The following CACNA1E variants were observed in gnomAD, a reference collection of about 807,000 sequenced individuals.
CACNA1E encodes voltage-dependent R-type calcium channel subunit alpha-1E.
In CACNA1E, 40 loss-of-function variants were observed where a neutral mutation model predicts 259.2. The observed-to-expected ratio is 0.15, with a 90% CI of 0.12 to 0.20. The LOEUF is 0.20. Among genes scored for constraint, CACNA1E ranks in the 10% least tolerant of loss-of-function variants. The probability of loss-of-function intolerance (pLI) is 1.00; values close to 1 mark genes in which losing one functional copy is unlikely to be tolerated. For missense variants in CACNA1E, 1,874 were observed against 3,040.1 expected (o/e 0.62, Z 9.02); for synonymous variants, 1,104 against 1,138.5 (o/e 0.97, Z 0.61).
chr1:181,772,321 G>T lies in CACNA1E; in HGVS notation c.5139+90G>T. The T allele has an allele frequency of 2.3e-6, 3 of 1,315,706 alleles. No homozygotes were observed. In the South Asian group the frequency reaches 4.0e-5, roughly 18 times the overall value. 81.5% of individuals were successfully genotyped at this position (1,315,706 alleles called of 1,614,324 possible). A position where few individuals can be genotyped will look rare whatever the true frequency, so the allele number is the denominator to read the frequency against. ...ACATAGACCGGAGATGTTTGCTTCA[G>T]TGTATGTTTGTGCCTCCCTCCCCTC... On this transcript the variant is annotated intron_variant, in intron 37 of 47. Transcript: ENST00000367573.
upstream of CACNA1E, among the ~76,000 whole-genome samples, chr1:181,482,853 C>T (rs1663405925): frequency 6.6e-6 from 1 of 152,270 alleles, no homozygotes; most frequent in African/African-American, 2.4e-5. Flanking sequence ...CTCGGCGGCG[C>T]AGCCGCGGAT....
chr1:181,435,623 C>G (rs1003485210), intron 2 of CACNA1E, among the ~76,000 whole-genome samples: 1 of 152,154 alleles, frequency 6.6e-6, no homozygotes, highest in Non-Finnish European at 1.5e-5. Flanking sequence ...TTGCCAGAAC[C>G]ATGGCCATTT....
intron 5 of CACNA1E, among the ~76,000 whole-genome samples, chr1:181,579,597 G>A (rs1219021123): frequency 6.6e-6 from 1 of 152,128 alleles, no homozygotes; most frequent in African/African-American, 2.4e-5. Context: ...AAGCCCAGGA[G>A]TTTGAGGCCA....
chr1:181,674,389 C>A, intron 7 of CACNA1E, among the ~76,000 whole-genome samples: 1 of 91,396 alleles, frequency 1.1e-5, no homozygotes, highest in Non-Finnish European at 2.0e-5. Context: ...AGCAAGACTC[C>A]ATCTCAAAAA....
chr1:181,473,927 T>C (rs1021436867), intron 2 of CACNA1E, among the ~76,000 whole-genome samples: 3 of 152,234 alleles, frequency 2.0e-5, no homozygotes, highest in African/African-American at 7.2e-5. Context: ...ATAATAGCAC[T>C]TGCCACATGG....
intron 2 of CACNA1E, among the ~76,000 whole-genome samples, chr1:181,446,384 A>G (rs978799545): frequency 6.6e-6 from 1 of 152,250 alleles, no homozygotes; most frequent in African/African-American, 2.4e-5. Context: ...CAGTCGGCCT[A>G]ATGGATAAAG....
intron 2 of CACNA1E, among the ~76,000 whole-genome samples, chr1:181,475,382 A>C (rs1662774138): frequency 6.6e-6 from 1 of 152,226 alleles, no homozygotes; most frequent in Non-Finnish European, 1.5e-5. Context: ...ACGATACAGA[A>C]ATTCTGTGAG....
In CACNA1E at chr1:181,758,919, G is replaced by A; in HGVS notation, c.4605+51G>A. 9.9e-7 allele frequency: 1 copy of A among 1,013,688 alleles called. No individual in the cohort carries two copies. Among genetic ancestry groups the A allele is most frequent in the Non-Finnish European group, 1.5e-6 (1 of 648,462 alleles). The allele number at this position is 1,013,688 out of a possible 1,614,324, so 62.8% of individuals were successfully genotyped here. On this transcript the variant is annotated intron_variant, in intron 32 of 47. Coordinates refer to ENST00000367573, the MANE Select transcript of CACNA1E (RefSeq NM_001205293.3). The surrounding 1 kb of genome is among the most constrained non-coding windows in gnomAD (Gnocchi z 4.2). ...CTGGGCTTGTCTCTTTCTGTTGGGTGCCTTCCCAGTCTTTGTTGAAGGGGA... is the reference window on the plus strand; with the variant it reads ...CTGGGCTTGTCTCTTTCTGTTGGGTACCTTCCCAGTCTTTGTTGAAGGGGA...
At chr1:181,511,197 C>A (rs1267297626) in intron 2 of CACNA1E, among the ~76,000 whole-genome samples, 174 bp from the exon 3 acceptor site, 1 of 152,178 alleles carries the variant, frequency 6.6e-6, no homozygotes, top group East Asian at 1.9e-4. Context: ...CTCCCTTGCC[C>A]TGTGCACTCC....
At chr1:181,623,904 G>A (rs1655951444) in intron 6 of CACNA1E, among the ~76,000 whole-genome samples, 1 of 152,170 alleles carries the variant, frequency 6.6e-6, no homozygotes, top group Non-Finnish European at 1.5e-5. Flanking sequence ...GTCTTAGTGT[G>A]TTTTTCTTGC....
At chr1:181,619,614 C>A (rs1166457559) in intron 6 of CACNA1E, among the ~76,000 whole-genome samples, 6 of 152,046 alleles carry the variant, frequency 3.9e-5, no homozygotes, top group Non-Finnish European at 8.8e-5. Context: ...AGTAAGGAGA[C>A]CAGTTAGGAG....
intron 6 of CACNA1E, among the ~76,000 whole-genome samples, chr1:181,633,555 C>A (rs1572436223): frequency 6.6e-6 from 1 of 151,912 alleles, no homozygotes; most frequent in African/African-American, 2.4e-5. Flanking sequence ...GCAGTGCCAC[C>A]ATCTCAGCTC....
intron 7 of CACNA1E, among the ~76,000 whole-genome samples, chr1:181,700,321 T>C (rs548193415): frequency 2.0e-5 from 3 of 152,238 alleles, no homozygotes; most frequent in African/African-American, 4.8e-5. Flanking sequence ...ACCTCAGTTG[T>C]TTTAGGTCAA....
At chr1:181,756,839 G>A in intron 29 of CACNA1E, 86 bp from the exon 30 acceptor site, 2 of 917,568 alleles carry the variant, frequency 2.2e-6, no homozygotes, top group Non-Finnish European at 3.5e-6. Context: ...AAAGAAGTCA[G>A]ATAAAAAATT....
At chr1:181,617,349 A>G (rs1209055662) in intron 6 of CACNA1E, among the ~76,000 whole-genome samples, 1 of 151,918 alleles carries the variant, frequency 6.6e-6, no homozygotes, top group Non-Finnish European at 1.5e-5. Context: ...TGTACCTGGA[A>G]TAGTAGCTGG....
rs1660803418 is a variant in CACNA1E, at chr1:181,785,806, C to A, written c.5773C>A (p.Pro1925Thr). The A allele has an allele frequency of 6.2e-7, 1 of 1,607,036 alleles. No homozygotes were observed. Among genetic ancestry groups the A allele is most frequent in the Admixed American group, 1.7e-5 (1 of 58,242 alleles). ...AGCCCTGCCTTACCTCCAGCAGGAC[C>A]CCGTTTCAGGCCTGTGAGTAGCACC... ...AKALPYLQQDPVSGLSGRSGY... is the reference protein window; with the variant it reads ...AKALPYLQQDTVSGLSGRSGY... Residue 1925 changes from proline to threonine, a missense_variant, in exon 43 of 48, where the codon CCC becomes ACC. Pro to Thr is a conservative substitution (Grantham distance 38). Transcript: ENST00000367573.
chr1:181,434,034 T>G (rs1371873105), intron 2 of CACNA1E, among the ~76,000 whole-genome samples: 1 of 152,160 alleles, frequency 6.6e-6, no homozygotes. Flanking sequence ...TTGGTCTAGG[T>G]GAGGCTTCCT....
At chr1:181,557,420 T>C (rs1450235184) in intron 3 of CACNA1E, among the ~76,000 whole-genome samples, 1 of 152,230 alleles carries the variant, frequency 6.6e-6, no homozygotes, top group East Asian at 1.9e-4. Flanking sequence ...CCCTTTGCCA[T>C]TCAGTGCCTG....
At chr1:181,327,477 T>A (rs1408342299) in intron 1 of CACNA1E, among the ~76,000 whole-genome samples, 1 of 152,224 alleles carries the variant, frequency 6.6e-6, no homozygotes, top group African/African-American at 2.4e-5. Context: ...CCTGCCAACT[T>A]TATATCCAAC....
Sources: gnomAD v4.1 joint callset for allele counts (sites outside exome capture counted in the v4.1 genomes callset) on GRCh38, gnomAD v4.1.1 for gene constraint, Gnocchi (gnomAD v3.1) non-coding constraint, MANE v1.5 for transcripts, NCBI Gene and HGNC (gene_info 2026-07-23, HGNC 2026-07-21) for gene names.